Variants in CNTN5 observed in about 807,000 individuals in gnomAD.
The protein encoded by CNTN5 is contactin-5.
In CNTN5, 77 loss-of-function variants were observed where a neutral mutation model predicts 129.1. That is an observed-to-expected ratio of 0.60 (90% confidence interval 0.50 to 0.72). The LOEUF (loss-of-function observed/expected upper bound fraction) is 0.72. Ranked by LOEUF, CNTN5 falls within the 30% of genes least tolerant of loss-of-function variation. The pLI is 0.00. For missense variants in CNTN5, 1,478 were observed against 1,328.8 expected (o/e 1.11, Z -1.75); for synonymous variants, 509 against 465.6 (o/e 1.09, Z -1.20).
chr11:99,974,352 T>C (rs1031523996), intron 8 of CNTN5, among the ~76,000 whole-genome samples: 1 of 152,162 alleles, frequency 6.6e-6, no homozygotes, highest in Non-Finnish European at 1.5e-5. Flanking sequence ...TGGTGAGAGG[T>C]CTCGAGCTAC....
intron 6 of CNTN5, among the ~76,000 whole-genome samples, chr11:99,848,601 A>T (rs1468024500): frequency 6.6e-6 from 1 of 152,152 alleles, no homozygotes; most frequent in Non-Finnish European, 1.5e-5. Flanking sequence ...CGTCAAAATG[A>T]TTGCAAAACT....
rs1309821137 is a variant in CNTN5, at chr11:100,057,884, G to A, written c.981-3328G>A. ...TAGGGTTTTTTGCCTGCTACTTTGT[G>A]CCAGGCTGTTTAAATCTTTCAAGAT... On this transcript the variant is annotated intron_variant, in intron 9 of 24. Coordinates refer to ENST00000524871, the MANE Select transcript of CNTN5 (RefSeq NM_014361.4). Among the ~76,000 whole-genome samples the A allele has an allele frequency of 4.6e-5, 7 of 152,088 alleles. No individual in the cohort carries two copies. The South Asian group carries it at 6.2e-4, about 13-fold the overall frequency.
intron 2 of CNTN5, among the ~76,000 whole-genome samples, chr11:99,409,492 T>C (rs943565192): frequency 7.2e-5 from 11 of 151,970 alleles, no homozygotes; most frequent in Admixed American, 6.6e-4. Context: ...AATAAATAAA[T>C]AAAGGCACTG....
At chr11:99,588,424 G>A (rs915843155) in intron 3 of CNTN5, among the ~76,000 whole-genome samples, 2 of 151,152 alleles carry the variant, frequency 1.3e-5, no homozygotes, top group Non-Finnish European at 2.9e-5. Context: ...CAAGGCAAAG[G>A]TACAATGTTC....
chr11:99,496,313 C>T (rs146771019), intron 2 of CNTN5, among the ~76,000 whole-genome samples: 24 of 152,160 alleles, frequency 1.6e-4, no homozygotes, highest in African/African-American at 5.1e-4. Context: ...CTCGTTCTGT[C>T]GCCAGGCTGG....
intron 1 of CNTN5, among the ~76,000 whole-genome samples, chr11:99,241,339 T>TG (rs61350318): frequency 7.0e-6 from 1 of 142,784 alleles, no homozygotes; most frequent in East Asian, 2.0e-4. Flanking sequence ...TTTTTTTTTT[T>TG]GATTCCATTC....
intron 3 of CNTN5, among the ~76,000 whole-genome samples, chr11:99,557,238 A>T (rs1323177719): frequency 6.6e-6 from 1 of 151,456 alleles, no homozygotes; most frequent in Admixed American, 6.6e-5. Context: ...GCAAATATTG[A>T]TATAAATACA....
chr11:99,716,978 T>A (rs972134253), intron 3 of CNTN5, among the ~76,000 whole-genome samples: 1 of 152,120 alleles, frequency 6.6e-6, no homozygotes, highest in Non-Finnish European at 1.5e-5. Context: ...AACTATGCTT[T>A]CATTTTCTTT....
At chr11:99,663,542 G>A (rs182716476) in intron 3 of CNTN5, among the ~76,000 whole-genome samples, 109 of 152,218 alleles carry the variant, frequency 7.2e-4, no homozygotes, top group African/African-American at 2.4e-3. Context: ...GGTTGATATG[G>A]TTTGACTTTG....
Position 99,252,200 on chromosome 11 carries a change from A to T in CNTN5, c.-209-73146A>T, listed in dbSNP as rs147030795. On this transcript the variant is annotated intron_variant, in intron 1 of 24. Transcript: ENST00000524871. ...TTTAGGGGCCATTCATGAATCTCTC[A>T]TCTTTTCGTATACACCCTTTTTATG... Among the ~76,000 whole-genome samples, 405 of 152,014 alleles carry T rather than the reference A, an allele frequency of 2.7e-3. 2 individuals carry two copies. The highest frequency in any genetic ancestry group is 9.4e-3 in the African/African-American group (391 of 41,498).
Position 100,356,274 on chromosome 11 carries a change from T to C in CNTN5, c.*54T>C, listed in dbSNP as rs1591539808. On this transcript the variant is annotated 3_prime_UTR_variant, in exon 25 of 25. Transcript: ENST00000524871. ...GCTTTAGCTTGGTAACAGCGGTGAA[T>C]AGAGTGTAGTGTAAGTGGAGAACCA... 3 of 1,185,034 alleles carry C rather than the reference T, an allele frequency of 2.5e-6. No homozygotes were observed. Among genetic ancestry groups the C allele is most frequent in the African/African-American group, 1.5e-5 (1 of 65,610 alleles). 73.4% of individuals were successfully genotyped at this position (1,185,034 alleles called of 1,614,324 possible). A position where few individuals can be genotyped will look rare whatever the true frequency, so the allele number is the denominator to read the frequency against.
chr11:100,050,681 G>T (rs949487986), intron 9 of CNTN5, among the ~76,000 whole-genome samples: 1 of 151,658 alleles, frequency 6.6e-6, no homozygotes, highest in Non-Finnish European at 1.5e-5. Context: ...TATACTATCT[G>T]CAAGAAAGCA....
intron 3 of CNTN5, among the ~76,000 whole-genome samples, chr11:99,611,137 A>G (rs1351675467): frequency 1.3e-5 from 2 of 152,174 alleles, no homozygotes; most frequent in Non-Finnish European, 2.9e-5. Context: ...TTAGGCTGTC[A>G]TTTTCCTATA....
chr11:99,849,574 G>T (rs1374662398), intron 6 of CNTN5, among the ~76,000 whole-genome samples: 1 of 152,018 alleles, frequency 6.6e-6, no homozygotes, highest in African/African-American at 2.4e-5. Flanking sequence ...TGCTGCAGGT[G>T]CATATTAGAT....
chr11:99,879,925 T>C (rs184298810), intron 6 of CNTN5, among the ~76,000 whole-genome samples: 43 of 152,318 alleles, frequency 2.8e-4, no homozygotes, highest in African/African-American at 1.0e-3. Flanking sequence ...AAGCAGTATT[T>C]ATTTATTAAA....
chr11:99,790,762 T>C (rs959568194), intron 3 of CNTN5, among the ~76,000 whole-genome samples: 2 of 152,140 alleles, frequency 1.3e-5, no homozygotes. Flanking sequence ...GTTTTCACAA[T>C]GCTGAACTAA....
chr11:99,747,460 CTTT>C (rs55790126), intron 3 of CNTN5, among the ~76,000 whole-genome samples: 5 of 85,758 alleles, frequency 5.8e-5, no homozygotes, highest in Non-Finnish European at 4.2e-5. Context: ...AGTCAGCATC[CTTT>C]TTTTTTTTTT....
chr11:100,205,591 AC>A (rs1948895751), intron 15 of CNTN5, among the ~76,000 whole-genome samples: 1 of 152,120 alleles, frequency 6.6e-6, no homozygotes, highest in Non-Finnish European at 1.5e-5. Flanking sequence ...TTATCAGTGT[AC>A]AATACAATCA....
In CNTN5 at chr11:100,070,570, G is replaced by A. The variant is rs200690631; in HGVS notation, c.1299+10G>A. The A allele has an allele frequency of 1.2e-6, 2 of 1,612,216 alleles. No individual in the cohort carries two copies. The highest frequency in any genetic ancestry group is 2.2e-5 in the South Asian group (2 of 90,922). On this transcript the variant is annotated intron_variant, in intron 11 of 24. Coordinates refer to ENST00000524871, the MANE Select transcript of CNTN5 (RefSeq NM_014361.4). ...ACCCCTCTCACCTCAGGTACTGTTG[G>A]GAGTTATTAACCTGTTCTGCTGTAA...
Sources: allele counts gnomAD v4.1 joint callset (sites outside exome capture counted in the v4.1 genomes callset), GRCh38; gene constraint gnomAD v4.1.1; transcripts MANE v1.5; gene names NCBI Gene and HGNC (gene_info 2026-07-23, HGNC 2026-07-21).